PCDH15: variants seen among roughly 807,000 people sequenced by gnomAD.
PCDH15 encodes protocadherin-15.
Under a neutral mutation model 178.5 loss-of-function variants are expected in PCDH15, and 129 were observed. The ratio of observed to expected loss-of-function variants is 0.72; its 90% CI spans 0.63 to 0.84. PCDH15 has a LOEUF of 0.84. PCDH15 is among the 40% of genes least tolerant of loss of function. The probability of loss-of-function intolerance (pLI) is 0.00; values close to 1 mark genes in which losing one functional copy is unlikely to be tolerated. For synonymous variants in PCDH15, 800 were observed against 732.0 expected (o/e 1.09, Z -1.50); for missense variants, 2,230 against 2,099.9 (o/e 1.06, Z -1.21).
intron 1 of PCDH15, among the ~76,000 whole-genome samples, chr10:55,227,955 T>C (rs879940937): frequency 6.6e-6 from 1 of 152,106 alleles, no homozygotes; most frequent in Non-Finnish European, 1.5e-5. Flanking sequence ...CCCCTACCCT[T>C]GACTGTTTGT....
chr10:55,396,901 G>T (rs1261109743), intron 2 of PCDH15, among the ~76,000 whole-genome samples: 1 of 152,074 alleles, frequency 6.6e-6, no homozygotes, highest in African/African-American at 2.4e-5. Context: ...CTCCTAAAGG[G>T]GAAAAAAGCC....
chr10:54,730,130 G>A (rs936900732), intron 1 of PCDH15, among the ~76,000 whole-genome samples: 1 of 151,474 alleles, frequency 6.6e-6, no homozygotes, highest in African/African-American at 2.4e-5. Flanking sequence ...TTATAGTAAC[G>A]AAGACATGGA....
chr10:55,347,749 A>G (rs936384013), intron 2 of PCDH15, among the ~76,000 whole-genome samples: 3 of 152,184 alleles, frequency 2.0e-5, no homozygotes, highest in Non-Finnish European at 4.4e-5. Context: ...TTTGTTTTAT[A>G]TATTTTAAAC....
intron 2 of PCDH15, among the ~76,000 whole-genome samples, chr10:54,574,111 C>T (rs1437936209): frequency 6.6e-6 from 1 of 151,614 alleles, no homozygotes; most frequent in East Asian, 1.9e-4. Context: ...ATGCCTATGT[C>T]CTGAATGGTA....
chr10:55,598,022 A>C (rs1268303568), intron 2 of PCDH15, among the ~76,000 whole-genome samples: 1 of 152,156 alleles, frequency 6.6e-6, no homozygotes, highest in East Asian at 1.9e-4. Context: ...AACGCAGCTC[A>C]AAACACTTTG....
At chr10:55,241,486 T>A (rs1841540408) in intron 1 of PCDH15, among the ~76,000 whole-genome samples, 1 of 152,114 alleles carries the variant, frequency 6.6e-6, no homozygotes, top group African/African-American at 2.4e-5. Context: ...GTGGTGTAAA[T>A]GCAGCTCACT....
chr10:53,848,243 G>A (rs1472689987), intron 28 of PCDH15, among the ~76,000 whole-genome samples: 27 of 149,326 alleles, frequency 1.8e-4, no homozygotes, highest in African/African-American at 6.1e-4. Flanking sequence ...AAAACTTCTA[G>A]GTTATAAAAA....
rs565076173 is a variant in PCDH15, at chr10:55,286,685, A to G, written c.-156+32914T>C. ...AGTCTGAGGCCAAAATGAGCTTCCC[A>G]TTTGACCTCTGCTGAATTGAATTTA... On this transcript the variant is annotated intron_variant, in intron 1 of 5. Transcript: ENST00000458638. 1.5e-3 allele frequency among the ~76,000 whole-genome samples: 232 copies of G among 152,026 alleles called. 2 individuals carry two copies. The highest frequency in any genetic ancestry group is 2.4e-3 in the Non-Finnish European group (163 of 67,886).
At chr10:54,480,526 CTACTTCAAAATATA>C in intron 3 of PCDH15, among the ~76,000 whole-genome samples, 1 of 152,146 alleles carries the variant, frequency 6.6e-6, no homozygotes, top group Middle Eastern at 3.4e-3. Context: ...GCAAACCATT[CTACTTCAAAATATA>C]TAGAGGAGAA....
chr10:55,044,428 C>T (rs1052529126), intron 2 of PCDH15, among the ~76,000 whole-genome samples: 3 of 152,166 alleles, frequency 2.0e-5, no homozygotes, highest in Admixed American at 2.0e-4. Flanking sequence ...CACTGTGACT[C>T]CACTTATTTT....
chr10:55,265,263 T>G lies in PCDH15; in HGVS notation c.-156+54336A>C, dbSNP rs143294608. Among the ~76,000 whole-genome samples, 226 of 150,594 alleles carry G rather than the reference T, an allele frequency of 1.5e-3. 1 individual carries two copies. The highest frequency in any genetic ancestry group is 4.8e-3 in the African/African-American group (193 of 40,320). The stretch of plus-strand genomic sequence containing the variant: ...TTGGTAAGTTTCCGGATGACCATGA[T>G]AGATACAGAGACGATATATTGTGAT... On this transcript the variant is annotated intron_variant, in intron 1 of 5. Transcript: ENST00000458638.
At chr10:54,964,378 G>A (rs1362470431) in intron 2 of PCDH15, among the ~76,000 whole-genome samples, 2 of 152,158 alleles carry the variant, frequency 1.3e-5, no homozygotes, top group African/African-American at 4.8e-5. Context: ...TTAGAAAGTA[G>A]CAGTGACTTT....
chr10:54,714,950 G>A (rs2095462937), intron 1 of PCDH15, among the ~76,000 whole-genome samples: 1 of 151,892 alleles, frequency 6.6e-6, no homozygotes, highest in Non-Finnish European at 1.5e-5. Flanking sequence ...TTCAGTTTTG[G>A]GGTAGAAAGT....
chr10:55,405,281 C>CATATATATATATATATATATATAT (rs1838169202), intron 2 of PCDH15, among the ~76,000 whole-genome samples: 1 of 64,766 alleles, frequency 1.5e-5, no homozygotes, highest in Non-Finnish European at 3.4e-5. Flanking sequence ...TGTGAGGTAA[C>CATATATATATATATATATATATAT]AGATATATAT....
intron 2 of PCDH15, among the ~76,000 whole-genome samples, chr10:55,039,650 A>G (rs1476597273): frequency 6.6e-6 from 1 of 152,158 alleles, no homozygotes; most frequent in Non-Finnish European, 1.5e-5. Flanking sequence ...AGACACACCA[A>G]GCAGATTTTC....
chr10:53,977,836 A>G (rs1487468449), intron 21 of PCDH15, among the ~76,000 whole-genome samples: 1 of 152,216 alleles, frequency 6.6e-6, no homozygotes, highest in Non-Finnish European at 1.5e-5. Context: ...AGCTAAAATG[A>G]AGGGGCTACA....
chr10:54,340,043 G>A (rs1190813278), intron 6 of PCDH15, among the ~76,000 whole-genome samples: 1 of 151,916 alleles, frequency 6.6e-6, no homozygotes, highest in East Asian at 1.9e-4. Context: ...TCCTGAATAA[G>A]GTCTTTCTTA....
At chr10:54,989,095 A>G (rs531845553) in intron 2 of PCDH15, among the ~76,000 whole-genome samples, 4 of 152,206 alleles carry the variant, frequency 2.6e-5, no homozygotes, top group Non-Finnish European at 5.9e-5. Flanking sequence ...AGCCCCAAGC[A>G]TTGTCAGCTT....
intron 13 of PCDH15, among the ~76,000 whole-genome samples, chr10:54,168,075 C>T (rs2046453161): frequency 6.6e-6 from 1 of 151,870 alleles, no homozygotes; most frequent in Admixed American, 6.6e-5. Flanking sequence ...AACTTAAAAC[C>T]TCTTCAACTC....
Sources: allele counts gnomAD v4.1 joint callset (sites outside exome capture counted in the v4.1 genomes callset), GRCh38; gene constraint gnomAD v4.1.1; transcripts MANE v1.5; gene names NCBI Gene and HGNC (gene_info 2026-07-23, HGNC 2026-07-21).